DIAPH3: variants seen among roughly 807,000 people sequenced by gnomAD.
DIAPH3 encodes the protein diaphanous related formin 3, also known as protein diaphanous homolog 3.
DIAPH3 carries 117 observed loss-of-function variants against 144.3 expected under a neutral mutation model. The observed-to-expected ratio is 0.81, with a 90% confidence interval of 0.70 to 0.95. DIAPH3 has a LOEUF of 0.95. Ranked by LOEUF, DIAPH3 falls within the 40% of genes least tolerant of loss-of-function variation. The pLI is 0.00. For missense variants in DIAPH3, 1,421 were observed against 1,412.7 expected (o/e 1.01, Z -0.09); for synonymous variants, 519 against 488.9 (o/e 1.06, Z -0.81).
chr13:59,770,399 T>C (rs2038064009), intron 27 of DIAPH3, among the ~76,000 whole-genome samples: 1 of 152,164 alleles, frequency 6.6e-6, no homozygotes, highest in African/African-American at 2.4e-5. Context: ...ACAAGACAGA[T>C]ATGCTCCTTT....
intron 3 of DIAPH3, among the ~76,000 whole-genome samples, chr13:60,100,792 GT>G (rs537915752): frequency 2.2e-3 from 327 of 151,604 alleles, no homozygotes; most frequent in African/African-American, 7.4e-3. Flanking sequence ...AAAAAAAGAA[GT>G]TTTTTTATAT....
intron 27 of DIAPH3, among the ~76,000 whole-genome samples, chr13:59,709,289 C>T (rs1383624852): frequency 1.3e-5 from 2 of 152,096 alleles, no homozygotes; most frequent in East Asian, 3.9e-4. Context: ...AAAGACACTA[C>T]CATCAGAGCG....
intron 11 of DIAPH3, among the ~76,000 whole-genome samples, 183 bp downstream of exon 11, chr13:59,991,885 C>T (rs545623686): frequency 9.9e-5 from 15 of 151,950 alleles, no homozygotes; most frequent in East Asian, 3.9e-4. Flanking sequence ...TTGCAGCATA[C>T]GCTTACATAT....
chr13:59,939,842 G>GTGTA (rs2048438850), intron 17 of DIAPH3, among the ~76,000 whole-genome samples: 1 of 89,286 alleles, frequency 1.1e-5, no homozygotes, highest in African/African-American at 3.0e-5. Flanking sequence ...AGGCGTGTGT[G>GTGTA]TGTGTGTGTG....
chr13:59,997,466 A>T (rs1479248005), intron 9 of DIAPH3, among the ~76,000 whole-genome samples: 1 of 152,100 alleles, frequency 6.6e-6, no homozygotes, highest in Non-Finnish European at 1.5e-5. Flanking sequence ...ACTTAGGTTT[A>T]TTCCATATCT....
At chr13:59,808,987 G>A (rs1451886652) in intron 25 of DIAPH3, among the ~76,000 whole-genome samples, 3 of 152,144 alleles carry the variant, frequency 2.0e-5, no homozygotes, top group Non-Finnish European at 4.4e-5. Context: ...AAAAGTGAAA[G>A]CTTCCTTAGG....
intron 17 of DIAPH3, among the ~76,000 whole-genome samples, chr13:59,955,362 G>T (rs1258629601): frequency 2.6e-5 from 4 of 151,898 alleles, no homozygotes; most frequent in Non-Finnish European, 5.9e-5. Flanking sequence ...TTTTATAAAG[G>T]GCAGTTCCCC....
chr13:59,788,440 T>G (rs900842859), intron 25 of DIAPH3, among the ~76,000 whole-genome samples: 6 of 152,118 alleles, frequency 3.9e-5, no homozygotes, highest in African/African-American at 1.4e-4. Context: ...GGCAACACAG[T>G]GAGACCTCTC....
chr13:59,921,816 CT>C (rs796541675), intron 18 of DIAPH3, among the ~76,000 whole-genome samples: 4 of 152,018 alleles, frequency 2.6e-5, no homozygotes, highest in African/African-American at 9.6e-5. Flanking sequence ...AGCAAAAATT[CT>C]CAACAAAATG....
Position 59,833,174 on chromosome 13 carries a change from A to G in DIAPH3, c.2960T>C (p.Ile987Thr), listed in dbSNP as rs1566382266. The change falls in exon 24 of 28, where the codon ATT becomes ACT. Residue 987 changes from isoleucine (I) to threonine (T), a missense_variant. Physicochemically the swap from Ile to Thr is moderately conservative, Grantham distance 89. Coordinates refer to ENST00000400324, the MANE Select transcript of DIAPH3 (RefSeq NM_001042517.2). ...LYQSIIGYYA[I>T]DVKKVSVEDF... The stretch of plus-strand genomic sequence containing the variant: ...TTCCACAGACACCTTCTTCACATCA[A>G]TGGCATAGTATCCTATTATACTCTG... 2 of 1,610,864 alleles carry G rather than the reference A, an allele frequency of 1.2e-6. No individual in the cohort carries two copies. Among genetic ancestry groups the G allele is most frequent in the Non-Finnish European group, 8.5e-7 (1 of 1,178,024 alleles).
At chr13:60,093,796 T>C in intron 3 of DIAPH3, 64 bp from the exon 4 acceptor site, 1 of 1,026,924 alleles carries the variant, frequency 9.7e-7, no homozygotes, top group Non-Finnish European at 1.5e-6. Flanking sequence ...CTACATGCAC[T>C]ACAAATGGAA....
rs771634821 is a variant in DIAPH3, at chr13:60,138,002, G to A, written c.181-5013C>T. On this transcript the variant is annotated intron_variant, in intron 1 of 27. Transcript: ENST00000400324. ...GCCTCCCAAAGTGCTGGGATTAAAG[G>A]AGTGAGCCACCACGCCTGGCCAAAA... is the stretch of plus-strand genomic sequence containing the variant. Among the ~76,000 whole-genome samples, 5 of 152,110 alleles carry A rather than the reference G, an allele frequency of 3.3e-5. 1 individual carries two copies. The highest frequency in any genetic ancestry group is 7.4e-5 in the Non-Finnish European group (5 of 68,012).
rs1594120518 is a variant in DIAPH3, at chr13:59,956,458, A to G, written c.2074+13486T>C. Among the ~76,000 whole-genome samples, 3 of 152,318 alleles carry G rather than the reference A, an allele frequency of 2.0e-5. 1 individual carries two copies. Among genetic ancestry groups the G allele is most frequent in the Admixed American group, 2.0e-4 (3 of 15,300 alleles). ...TTGGCGGCTTACACATGGTGTCAGG[A>G]CTGTGGGTGCAAATAAGTCAAGAAC... On this transcript the variant is annotated intron_variant, in intron 17 of 27. Transcript: ENST00000400324.
At chr13:59,871,247 A>C (rs1489210161) in intron 21 of DIAPH3, among the ~76,000 whole-genome samples, 1 of 151,668 alleles carries the variant, frequency 6.6e-6, no homozygotes, top group African/African-American at 2.4e-5. Flanking sequence ...ATCTATGAAG[A>C]AAGAGTTTTG....
chr13:59,946,867 CTT>C (rs1378291873), intron 17 of DIAPH3, among the ~76,000 whole-genome samples: 1 of 152,196 alleles, frequency 6.6e-6, no homozygotes, highest in African/African-American at 2.4e-5. Context: ...GAAAAAAACT[CTT>C]AAGATAAAAT....
Position 59,970,895 on chromosome 13 carries a change from T to C in DIAPH3, c.1916A>G (p.Glu639Gly), listed in dbSNP as rs1311629251. 6.2e-7 allele frequency: 1 copy of C among 1,613,680 alleles called. No homozygotes were observed. The highest frequency in any genetic ancestry group is 8.5e-7 in the Non-Finnish European group (1 of 1,179,980). ...ILPFGLKPKK[E>G]FKPEISMRRL... ...TCTCATGCTGATTTCAGGTTTAAAT[T>C]CTTTCTTTGGTTTCAACCCAAATGG... is the stretch of plus-strand genomic sequence containing the variant. Residue 639 changes from glutamate (E) to glycine (G), a missense_variant, in exon 16 of 28, where the codon GAA (glutamate) becomes GGA (glycine). By Grantham distance (98) the Glu-to-Gly change is moderately conservative (BLOSUM62 -2). Coordinates refer to ENST00000400324, the MANE Select transcript of DIAPH3 (RefSeq NM_001042517.2).
intron 27 of DIAPH3, among the ~76,000 whole-genome samples, chr13:59,765,070 T>C (rs960393603): frequency 1.3e-5 from 2 of 152,288 alleles, no homozygotes; most frequent in Admixed American, 1.3e-4. Context: ...TCTGTGGTGA[T>C]TGACTCCCAG....
rs56205887 is a variant in DIAPH3 at position 59,692,137 on chromosome 13, CTTTTTTTTTTTTTTTT to C, written c.3320-25307_3320-25292del. ...AGATTACTCATAGCTTTGAGAAATT[CTTTTTTTTTTTTTTTT>C]TTTTTTTTTTTAGAAAAGAATACAA... On this transcript the variant is annotated intron_variant, in intron 27 of 27. Coordinates refer to ENST00000400324, the MANE Select transcript of DIAPH3 (RefSeq NM_001042517.2). Among the ~76,000 whole-genome samples the C allele has an allele frequency of 5.5e-4, 32 of 58,190 alleles. 1 individual carries two copies. In the East Asian group the frequency reaches 9.0e-3, roughly 16 times the overall value. The allele number at this position is 58,190 out of a possible 152,430, so 38.2% of individuals were successfully genotyped here.
intron 19 of DIAPH3, among the ~76,000 whole-genome samples, chr13:59,915,752 G>A (rs1004383283): frequency 5.9e-5 from 9 of 151,838 alleles, no homozygotes; most frequent in Admixed American, 2.6e-4. Context: ...TGTTAGTAAA[G>A]GTAACTGTAA....
Sources: gnomAD v4.1 joint callset for allele counts (sites outside exome capture counted in the v4.1 genomes callset) on GRCh38, gnomAD v4.1.1 for gene constraint, MANE v1.5 for transcripts, NCBI Gene and HGNC (gene_info 2026-07-23, HGNC 2026-07-21) for gene names.